RANBP2: variants seen among roughly 807,000 people sequenced by gnomAD.
RANBP2 encodes the protein E3 SUMO-protein ligase RanBP2.
RANBP2 carries 57 observed loss-of-function variants against 303.6 expected under a neutral mutation model. The observed-to-expected ratio is 0.19, with a 90% CI of 0.15 to 0.23. RANBP2 has a LOEUF of 0.23. RANBP2 is among the 10% of genes least tolerant of loss of function. RANBP2 has a pLI of 1.00. For synonymous variants in RANBP2, 1,167 were observed against 1,301.5 expected (o/e 0.90, Z 2.23); for missense variants, 3,138 against 3,780.8 (o/e 0.83, Z 4.46).
chr2:108,749,454 G>T (rs1330864882), intron 9 of RANBP2, among the ~76,000 whole-genome samples: 1 of 151,964 alleles, frequency 6.6e-6, no homozygotes, highest in African/African-American at 2.4e-5. Flanking sequence ...CCGCCATCAC[G>T]CCCGGCTAAT....
chr2:109,582,393 C>G, the RANBP2 span, among the ~76,000 whole-genome samples: 1 of 152,168 alleles, frequency 6.6e-6, no homozygotes, highest in East Asian at 1.9e-4. Flanking sequence ...GATCACGGCT[C>G]ACTGCAGCTT....
the RANBP2 span, among the ~76,000 whole-genome samples, chr2:109,760,819 C>T: frequency 7.6e-6 from 1 of 131,666 alleles, no homozygotes; most frequent in Non-Finnish European, 1.6e-5. Context: ...CGGCGAGGGG[C>T]GGCCGCGGCG....
At chr2:109,223,402 G>T in the RANBP2 span, among the ~76,000 whole-genome samples, 9 of 152,192 alleles carry the variant, frequency 5.9e-5, no homozygotes, top group Non-Finnish European at 1.0e-4. Flanking sequence ...CCGTGTGCTC[G>T]CTGTGATGGA....
At chr2:109,020,655 A>G in the RANBP2 span, among the ~76,000 whole-genome samples, 2 of 152,234 alleles carry the variant, frequency 1.3e-5, no homozygotes, top group African/African-American at 4.8e-5. Flanking sequence ...TGGAGGTGTG[A>G]CAACACCAGG....
the RANBP2 span, among the ~76,000 whole-genome samples, chr2:109,133,242 T>C: frequency 1.3e-5 from 2 of 152,312 alleles, no homozygotes; most frequent in Admixed American, 6.5e-5. Flanking sequence ...TTTGATGATA[T>C]AAAAGTCGGC....
At chr2:108,876,544 G>C in the RANBP2 span, 1 of 202,084 alleles carries the variant, frequency 4.9e-6, no homozygotes, top group Non-Finnish European at 9.8e-6. Flanking sequence ...AAAATTATGT[G>C]ATTATTTGGA....
At chr2:109,568,245 T>C in the RANBP2 span, among the ~76,000 whole-genome samples, 1 of 152,122 alleles carries the variant, frequency 6.6e-6, no homozygotes, top group Non-Finnish European at 1.5e-5. Flanking sequence ...CCACAGGGCC[T>C]GTGACGCCCA....
At chr2:109,352,206 C>T in the RANBP2 span, among the ~76,000 whole-genome samples, 1 of 152,188 alleles carries the variant, frequency 6.6e-6, no homozygotes, top group Non-Finnish European at 1.5e-5. Context: ...GCTGTCTGCC[C>T]TCTCCTTTCT....
At chr2:109,411,410 T>C in the RANBP2 span, among the ~76,000 whole-genome samples, 4 of 152,192 alleles carry the variant, frequency 2.6e-5, no homozygotes, top group African/African-American at 9.7e-5. Flanking sequence ...GGGAGTCACA[T>C]TCTGTACAGC....
At chr2:109,373,660 G>C in the RANBP2 span, among the ~76,000 whole-genome samples, 1 of 152,252 alleles carries the variant, frequency 6.6e-6, no homozygotes. Context: ...GACTGGAAGA[G>C]GTAAGGAGGT....
chr2:109,458,796 A>G, the RANBP2 span, among the ~76,000 whole-genome samples: 1 of 152,236 alleles, frequency 6.6e-6, no homozygotes, highest in East Asian at 1.9e-4. Flanking sequence ...TTATCAAGGT[A>G]TGTACTTTCA....
the RANBP2 span, among the ~76,000 whole-genome samples, chr2:109,028,574 T>C: frequency 0.036 from 5,483 of 152,292 alleles, 238 homozygotes; most frequent in African/African-American, 0.1. Context: ...TGCTGAATGC[T>C]GTTTCAATCT....
chr2:109,267,953 C>T, the RANBP2 span, among the ~76,000 whole-genome samples: 1 of 152,012 alleles, frequency 6.6e-6, no homozygotes, highest in Non-Finnish European at 1.5e-5. Flanking sequence ...GAGGACAGAG[C>T]ACCCCAGCTC....
chr2:109,195,670 G>A, the RANBP2 span, among the ~76,000 whole-genome samples: 62,004 of 152,022 alleles, frequency 0.41, 15,189 homozygotes, highest in Non-Finnish European at 0.56. Flanking sequence ...AGAGCTCCGC[G>A]TTTGCATCTT....
At chr2:109,538,545 CT>C in the RANBP2 span, among the ~76,000 whole-genome samples, 1 of 152,224 alleles carries the variant, frequency 6.6e-6, no homozygotes, top group African/African-American at 2.4e-5. Context: ...TTGAGACAGT[CT>C]CACTCTGTCG....
the RANBP2 span, chr2:108,804,949 A>G: frequency 1.3e-6 from 2 of 1,579,858 alleles, no homozygotes; most frequent in Non-Finnish European, 1.7e-6. Flanking sequence ...TAAAGAAACC[A>G]AGAGACTGAG....
chr2:109,305,127 T>A, the RANBP2 span, among the ~76,000 whole-genome samples: 1 of 152,180 alleles, frequency 6.6e-6, no homozygotes, highest in Non-Finnish European at 1.5e-5. Flanking sequence ...TCTGATAATA[T>A]TAATCTCTTA....
chr2:109,272,824 C>T, the RANBP2 span, among the ~76,000 whole-genome samples: 2 of 152,192 alleles, frequency 1.3e-5, no homozygotes, highest in African/African-American at 4.8e-5. Context: ...GGACGTCAGG[C>T]TTGGTGTGTG....
At chr2:109,029,018 C>G in the RANBP2 span, among the ~76,000 whole-genome samples, 6 of 152,130 alleles carry the variant, frequency 3.9e-5, no homozygotes, top group African/African-American at 1.4e-4. Context: ...CTCCTGGGCT[C>G]AAGCAATCTT....
Sources: allele counts gnomAD v4.1 joint callset (sites outside exome capture counted in the v4.1 genomes callset), GRCh38; gene constraint gnomAD v4.1.1; transcripts MANE v1.5; gene names NCBI Gene and HGNC (gene_info 2026-07-23, HGNC 2026-07-21).